Variants in TMEM255A observed in about 807,000 individuals in gnomAD.
TMEM255A encodes the protein transmembrane protein 255A.
Under a neutral mutation model 23.5 loss-of-function variants are expected in TMEM255A, and 14 were observed. That is an observed-to-expected ratio of 0.60 (90% CI 0.39 to 0.93). The LOEUF is 0.93. TMEM255A is among the 40% of genes least tolerant of loss of function. The pLI is 0.00. For missense variants in TMEM255A, 233 were observed against 261.7 expected, an observed-to-expected ratio of 0.89 and a Z score of 0.76; for synonymous variants, 104 against 100.3, an observed-to-expected ratio of 1.04 and a Z score of -0.22.
At chrX:120,295,904 CT>C (rs1454426795) in intron 2 of TMEM255A, among the ~76,000 whole-genome samples, 3 of 112,085 alleles carry the variant, frequency 2.7e-5, no homozygotes, top group African/African-American at 9.7e-5. Flanking sequence ...AGCCATTTAA[CT>C]TTTGAGCCAC....
chrX:120,294,034 G>T lies in TMEM255A; in HGVS notation c.219C>A (p.Phe73Leu). ...TAAGGTTTGATCCAATGATTCCAAG[G>T]AACGATCCAAAGCCGAGCTGCAAAG... is the stretch of plus-strand genomic sequence containing the variant. Reference protein sequence around the residue: ...YPGVILGFGSFLGIIGSNLIE... With the variant: ...YPGVILGFGSLLGIIGSNLIE... The change falls in exon 3 of 9, where the codon TTC becomes TTA. Residue 73 changes from phenylalanine to leucine, a missense_variant. Coordinates refer to ENST00000371369, the MANE Select transcript of TMEM255A (RefSeq NM_001104544.3). The T allele has an allele frequency of 8.4e-7, 1 of 1,192,592 alleles. No homozygotes were observed. Among genetic ancestry groups the T allele is most frequent in the Middle Eastern group, 2.3e-4 (1 of 4,262 alleles).
In TMEM255A at chrX:120,268,463, A is replaced by G. The variant is rs782729120; in HGVS notation, c.676-76T>C. On this transcript the variant is annotated intron_variant, in intron 7 of 8. Transcript: ENST00000371369. ...ATGGTTAAATAAACTTAGTACATCT[A>G]TACTATGGAATACCATGCAGCTATT... The G allele has an allele frequency of 1.6e-4, 118 of 716,047 alleles. 3 individuals carry two copies. The South Asian group carries it at 4.3e-3, about 26-fold the overall frequency. The allele number at this position is 716,047 out of a possible 1,213,427, so 59.0% of individuals were successfully genotyped here.
intron 7 of TMEM255A, among the ~76,000 whole-genome samples, chrX:120,275,103 C>A (rs2057787256): frequency 8.9e-6 from 1 of 112,288 alleles, no homozygotes; most frequent in Non-Finnish European, 1.9e-5. Context: ...TCCAAAGAAG[C>A]CCCAACCCAG....
At chrX:120,284,523 T>TGTGCACGTGCAC (rs1158901327) in intron 6 of TMEM255A, among the ~76,000 whole-genome samples, 3 of 105,942 alleles carry the variant, frequency 2.8e-5, no homozygotes, top group Non-Finnish European at 5.7e-5. Flanking sequence ...TGTGCGTGCA[T>TGTGCACGTGCAC]GTGCACGTGC....
chrX:120,274,413 C>T (rs1397886269), intron 7 of TMEM255A, among the ~76,000 whole-genome samples: 2 of 111,985 alleles, frequency 1.8e-5, no homozygotes, highest in Non-Finnish European at 3.8e-5. Flanking sequence ...ATGTTTGTGA[C>T]TTCCACCTCA....
chrX:120,268,192 G>A, intron 8 of TMEM255A, 52 bp downstream of exon 8: 6 of 1,145,199 alleles, frequency 5.2e-6, no homozygotes, highest in Non-Finnish European at 7.0e-6. Context: ...GAACAAGAGA[G>A]CATGAGTGAG....
chrX:120,283,606 G>C (rs782737621), intron 6 of TMEM255A, among the ~76,000 whole-genome samples: 5 of 111,454 alleles, frequency 4.5e-5, no homozygotes, highest in Non-Finnish European at 7.5e-5. Flanking sequence ...AAGGAAATAC[G>C]TGCATGACGA....
intron 6 of TMEM255A, among the ~76,000 whole-genome samples, chrX:120,283,795 G>A (rs781903031): frequency 1.4e-4 from 15 of 111,072 alleles, no homozygotes; most frequent in Admixed American, 3.8e-4. Context: ...TGGCCTCCTA[G>A]CTGCCTCCAT....
intron 7 of TMEM255A, among the ~76,000 whole-genome samples, chrX:120,270,676 G>T (rs2057752841): frequency 9.0e-6 from 1 of 111,213 alleles, no homozygotes; most frequent in Non-Finnish European, 1.9e-5. Flanking sequence ...TCTTGTCAGG[G>T]TTCCTTTCAG....
chrX:120,305,878 C>T (rs1253480885), intron 1 of TMEM255A, among the ~76,000 whole-genome samples: 1 of 111,500 alleles, frequency 9.0e-6, no homozygotes, highest in African/African-American at 3.3e-5. Context: ...CCTGTCTTCC[C>T]CAGTACTGTC....
rs3842485 is a variant in TMEM255A at position 120,287,308 on chromosome X, T to TAC, written c.355-88_355-87dup. 5.5e-3 allele frequency: 2,530 copies of TAC among 462,990 alleles called. 34 individuals carry two copies. The highest frequency in any genetic ancestry group is 0.044 in the African/African-American group (1,640 of 36,893). The allele number at this position is 462,990 out of a possible 1,213,427, so 38.2% of individuals were successfully genotyped here. A position where few individuals can be genotyped will look rare whatever the true frequency, so the allele number is the denominator to read the frequency against. ...TGTACTTGGTAATAAAAGGTTTGAA[T>TAC]ACACACACACACACACACACACACA... On this transcript the variant is annotated intron_variant, in intron 4 of 8. Transcript: ENST00000371369.
chrX:120,311,160 C>T (rs3810749), intron 1 of TMEM255A, 92 bp downstream of exon 1: 334,611 of 861,152 alleles, frequency 0.39, 51,245 homozygotes, highest in East Asian at 0.83. Flanking sequence ...TCCCGCTCTC[C>T]GGCTTTTGGG....
intron 7 of TMEM255A, among the ~76,000 whole-genome samples, chrX:120,269,015 T>A (rs1318814513): frequency 1.8e-5 from 2 of 110,678 alleles, no homozygotes; most frequent in African/African-American, 6.6e-5. Context: ...GCTAAGGGGG[T>A]CTCCTGAAGA....
At chrX:120,276,116 A>C (rs1355346019) in intron 7 of TMEM255A, among the ~76,000 whole-genome samples, 1 of 111,405 alleles carries the variant, frequency 9.0e-6, no homozygotes, top group East Asian at 2.8e-4. Flanking sequence ...ATATGAAGCC[A>C]GGTTGATAAC....
intron 1 of TMEM255A, chrX:120,310,169 G>C (rs1556027978): frequency 8.9e-6 from 1 of 111,808 alleles, no homozygotes; most frequent in Non-Finnish European, 1.9e-5. Flanking sequence ...AAGTATGTTG[G>C]AAAGAGAGAA....
At chrX:120,286,120 T>G (rs1490827902) in intron 5 of TMEM255A, 1 of 264,708 alleles carries the variant, frequency 3.8e-6, no homozygotes, top group African/African-American at 2.9e-5. Flanking sequence ...AATTTATGGT[T>G]GTTAAAAGAA....
At chrX:120,254,536 A>T, downstream of TMEM255A, 1 of 1,211,827 alleles carries the variant, frequency 8.3e-7, no homozygotes, top group Non-Finnish European at 1.1e-6. Context: ...TTAATACAGA[A>T]GATGCAGATT....
downstream of TMEM255A, chrX:120,253,715 G>A: frequency 8.3e-7 from 1 of 1,211,706 alleles, no homozygotes; most frequent in Non-Finnish European, 1.1e-6. Context: ...TGCTTGATGA[G>A]TTAATTAAAT....
intron 1 of TMEM255A, chrX:120,309,987 C>G (rs2058088932): frequency 9.0e-6 from 1 of 111,367 alleles, no homozygotes; most frequent in Non-Finnish European, 1.9e-5. Flanking sequence ...GGGGCCCCTC[C>G]GGTGAACGAG....
Sources: allele counts gnomAD v4.1 joint callset (sites outside exome capture counted in the v4.1 genomes callset), GRCh38; gene constraint gnomAD v4.1.1; transcripts MANE v1.5; gene names NCBI Gene and HGNC (gene_info 2026-07-23, HGNC 2026-07-21).